DOT1L: variants seen among roughly 807,000 people sequenced by gnomAD.
DOT1L encodes the protein histone-lysine N-methyltransferase, H3 lysine-79 specific.
In DOT1L, 33 loss-of-function variants were observed where a neutral mutation model predicts 153.3. That is an observed-to-expected ratio of 0.22 (90% confidence interval 0.16 to 0.29). The LOEUF (loss-of-function observed/expected upper bound fraction) is 0.29. Among genes scored for constraint, DOT1L ranks in the 10% least tolerant of loss-of-function variants. The probability of loss-of-function intolerance (pLI) is 1.00; values close to 1 mark genes in which losing one functional copy is unlikely to be tolerated. For missense variants in DOT1L, 1,847 were observed against 2,119.9 expected (o/e 0.87, Z 2.53); for synonymous variants, 1,135 against 965.1 (o/e 1.18, Z -3.26).
chr19:2,203,412 C>G (rs1454948498), intron 9 of DOT1L, among the ~76,000 whole-genome samples: 1 of 152,198 alleles, frequency 6.6e-6, no homozygotes, highest in Non-Finnish European at 1.5e-5. Flanking sequence ...CTGGAATCTT[C>G]TTGAGTTGAG....
chr19:2,223,842 A>G (rs2024223634), intron 25 of DOT1L, among the ~76,000 whole-genome samples: 2 of 152,166 alleles, frequency 1.3e-5, no homozygotes, highest in African/African-American at 2.4e-5. Flanking sequence ...GATAAAATTC[A>G]CATATCGTAT....
intron 1 of DOT1L, among the ~76,000 whole-genome samples, chr19:2,173,605 G>A (rs1322940360): frequency 6.6e-6 from 1 of 152,196 alleles, no homozygotes; most frequent in Non-Finnish European, 1.5e-5. Flanking sequence ...GGCCAGCCGG[G>A]TGGTGCCATC....
In DOT1L at chr19:2,226,326, C is replaced by G; in HGVS notation, c.3805C>G (p.Gln1269Glu). 1 of 1,598,106 alleles carries G rather than the reference C, an allele frequency of 6.3e-7. No homozygotes were observed. Among genetic ancestry groups the G allele is most frequent in the Non-Finnish European group, 8.5e-7 (1 of 1,174,048 alleles). Residue 1269 changes from glutamine to glutamate, a missense_variant, in exon 27 of 28, where the codon CAG becomes GAG. Physicochemically the swap from Gln to Glu is conservative, Grantham distance 29 (BLOSUM62 2). Coordinates refer to ENST00000398665, the MANE Select transcript of DOT1L (RefSeq NM_032482.3). Reference sequence around the variant, plus strand: ...GCTGCAGGCCAGCTCCGCCCTCAGCCAGAACTCCCTGTTCACGTTCCGGCC... The same window carrying G: ...GCTGCAGGCCAGCTCCGCCCTCAGCGAGAACTCCCTGTTCACGTTCCGGCC... ...SPLQASSALS[Q>E]NSLFTFRPAL...
intron 5 of DOT1L, among the ~76,000 whole-genome samples, chr19:2,192,712 C>G (rs1349442247): frequency 6.7e-6 from 1 of 150,222 alleles, no homozygotes; most frequent in Non-Finnish European, 1.5e-5. Context: ...TCTGGCTGGG[C>G]TCTTTGGCTC....
At chr19:2,171,169 G>T (rs62128415) in intron 1 of DOT1L, among the ~76,000 whole-genome samples, 1 of 152,198 alleles carries the variant, frequency 6.6e-6, no homozygotes, top group Non-Finnish European at 1.5e-5. Context: ...TGTTGCCCCA[G>T]GCTAGTGGTA....
chr19:2,230,515 G>A lies in DOT1L; in HGVS notation c.*723G>A, dbSNP rs994548445. The A allele has an allele frequency of 7.5e-6, 3 of 398,666 alleles. No homozygotes were observed. The highest frequency in any genetic ancestry group is 1.3e-5 in the Non-Finnish European group (3 of 226,150). 24.7% of individuals were successfully genotyped at this position (398,666 alleles called of 1,614,324 possible). A position where few individuals can be genotyped will look rare whatever the true frequency, so the allele number is the denominator to read the frequency against. ...GGTGCTGTGAGGACGGCGCGGGCACGTTGAACAAGTGCATTTACTTTTGTA... is the reference window on the plus strand; with the variant it reads ...GGTGCTGTGAGGACGGCGCGGGCACATTGAACAAGTGCATTTACTTTTGTA... On this transcript the variant is annotated 3_prime_UTR_variant, in exon 28 of 28. Transcript: ENST00000398665.
rs141162715 is a variant in DOT1L, at chr19:2,218,995, C to T, written c.2691+1077C>T. ...CAAGCAGTTCTCCTGCCTCAGCCTCCCGAGTAGCTGGGATTACAGGCATGC... is the reference window on the plus strand; with the variant it reads ...CAAGCAGTTCTCCTGCCTCAGCCTCTCGAGTAGCTGGGATTACAGGCATGC... On this transcript the variant is annotated intron_variant, in intron 22 of 27. Transcript: ENST00000398665. Among the ~76,000 whole-genome samples, 346 of 152,346 alleles carry T rather than the reference C, an allele frequency of 2.3e-3. 1 individual carries two copies. The highest frequency in any genetic ancestry group is 7.9e-3 in the African/African-American group (328 of 41,582).
Position 2,230,017 on chromosome 19 carries a change from T to C in DOT1L, c.*225T>C. On this transcript the variant is annotated 3_prime_UTR_variant, in exon 28 of 28. Coordinates refer to ENST00000398665, the MANE Select transcript of DOT1L (RefSeq NM_032482.3). ...AGTATTTATCATTTTTTAAAAAGTATAAACAATTCTGACTTATTTTATTCC... is the reference window on the plus strand; with the variant it reads ...AGTATTTATCATTTTTTAAAAAGTACAAACAATTCTGACTTATTTTATTCC... 5.7e-6 allele frequency: 4 copies of C among 699,892 alleles called. No individual in the cohort carries two copies. Among genetic ancestry groups the C allele is most frequent in the East Asian group, 2.8e-5 (1 of 36,082 alleles). The allele number at this position is 699,892 out of a possible 1,614,324, so 43.4% of individuals were successfully genotyped here.
chr19:2,211,478 G>A (rs1163765688), intron 15 of DOT1L, among the ~76,000 whole-genome samples: 1 of 152,220 alleles, frequency 6.6e-6, no homozygotes, highest in Non-Finnish European at 1.5e-5. Flanking sequence ...TTGCTGGCAT[G>A]GGGTGGGTGC....
chr19:2,220,005 C>T lies in DOT1L; in HGVS notation c.2692-103C>T. 9.0e-7 allele frequency: 1 copy of T among 1,109,788 alleles called. No individual in the cohort carries two copies. The highest frequency in any genetic ancestry group is 1.3e-6 in the Non-Finnish European group (1 of 782,104). The allele number at this position is 1,109,788 out of a possible 1,614,324, so 68.7% of individuals were successfully genotyped here. On this transcript the variant is annotated intron_variant, in intron 22 of 27. Transcript: ENST00000398665. The surrounding 1 kb of genome is among the most constrained non-coding windows in gnomAD (Gnocchi z 4.5). ...GGTACTGGACGGTGACCCCGGCGGCCTCCCCCAGCCAGCTGCAGGCCTCAA... is the reference window on the plus strand; with the variant it reads ...GGTACTGGACGGTGACCCCGGCGGCTTCCCCCAGCCAGCTGCAGGCCTCAA...
At chr19:2,180,817 G>C in intron 2 of DOT1L, 61 bp downstream of exon 2, 1 of 1,593,716 alleles carries the variant, frequency 6.3e-7, no homozygotes, top group Non-Finnish European at 8.6e-7. Flanking sequence ...GTGGACACCC[G>C]TGCCCTGCAG....
rs1251785304 is a variant in DOT1L at position 2,191,227 on chromosome 19, G to A, written c.480G>A (p.Val160=). 2 of 1,613,730 alleles carry A rather than the reference G, an allele frequency of 1.2e-6. No homozygotes were observed. Among genetic ancestry groups the A allele is most frequent in the Non-Finnish European group, 1.7e-6 (2 of 1,179,984 alleles). ...EIKMTDDDLF[V]DLGSGVGQVV... ...AGATGACCGACGACGACCTGTTTGT[G>A]GACTTGGGGAGCGGTGAGTGTCGCC... Residue 160 remains valine, a synonymous_variant, in exon 5 of 28, where the codon GTG becomes GTA. Coordinates refer to ENST00000398665, the MANE Select transcript of DOT1L (RefSeq NM_032482.3). This position sits in a 1 kb window ranked among gnomAD's most constrained non-coding sequence, Gnocchi z 6.8.
chr19:2,179,434 A>G (rs1293606848), intron 1 of DOT1L, among the ~76,000 whole-genome samples: 1 of 152,138 alleles, frequency 6.6e-6, no homozygotes. Flanking sequence ...TGCAGCATCC[A>G]GGGGATCGCG....
Position 2,213,656 on chromosome 19 carries a change from GGGCAGGT to G in DOT1L, c.1659+29_1659+35del, listed in dbSNP as rs769703319. The G allele has an allele frequency of 5.6e-6, 9 of 1,613,342 alleles. No individual in the cohort carries two copies. Among genetic ancestry groups the G allele is most frequent in the Non-Finnish European group, 6.8e-6 (8 of 1,179,826 alleles). On this transcript the variant is annotated intron_variant, in intron 17 of 27. Coordinates refer to ENST00000398665, the MANE Select transcript of DOT1L (RefSeq NM_032482.3). ...ATTGGATGAGGTAGTGGACCCCAGA[GGGCAGGT>G]GGCAGGTGGCAGCTGGGGCGCAGGC... is the stretch of plus-strand genomic sequence containing the variant.
rs982638213 is a variant in DOT1L at position 2,227,517 on chromosome 19, G to A, written c.4606+390G>A. On this transcript the variant is annotated intron_variant, in intron 27 of 27. Transcript: ENST00000398665. ...TGCCCAGACAGGGCGGAGAGGAGCC[G>A]CCGGGGGGAGCGGCCTGGCCCTGGG... 2.9e-5 allele frequency: 15 copies of A among 526,128 alleles called. No homozygotes were observed. In the East Asian group the frequency reaches 6.2e-4, roughly 22 times the overall value. 32.6% of individuals were successfully genotyped at this position (526,128 alleles called of 1,614,324 possible).
Position 2,226,939 on chromosome 19 carries a change from A to G in DOT1L, c.4418A>G (p.Gln1473Arg). The G allele has an allele frequency of 6.3e-7, 1 of 1,583,536 alleles. No homozygotes were observed. Among genetic ancestry groups the G allele is most frequent in the East Asian group, 2.3e-5 (1 of 43,334 alleles). The stretch of plus-strand genomic sequence containing the variant: ...CTGGGCCCCTTCCCGCCGGGACCGC[A>G]GTTCGCGCTCGGCCCCATGTCCCTG... ...SFLGPFPPGP[Q>R]FALGPMSLQA... The change falls in exon 27 of 28, where the codon CAG (glutamine) becomes CGG (arginine). Residue 1473 changes from glutamine to arginine, a missense_variant. Transcript: ENST00000398665.
At chr19:2,223,635 G>C in intron 25 of DOT1L, 149 bp downstream of exon 25, 1 of 1,004,988 alleles carries the variant, frequency 1.0e-6, no homozygotes, top group Non-Finnish European at 1.4e-6. Flanking sequence ...TTTTGTGAGG[G>C]GCCTCCCCAC....
chr19:2,217,070 G>A lies in DOT1L; in HGVS notation c.2524G>A (p.Gly842Arg). The A allele has an allele frequency of 1.2e-6, 2 of 1,607,980 alleles. No individual in the cohort carries two copies. The highest frequency in any genetic ancestry group is 1.3e-5 in the African/African-American group (1 of 74,934). ...PLSPGALQLA[G>R]EKSSEKGLRE... The stretch of plus-strand genomic sequence containing the variant: ...GTCCCCTGGGGCCTTGCAGCTTGCT[G>A]GAGAGAAGAGCAGTGAGAAGGTGCG... The change falls in exon 21 of 28, where the codon GGA becomes AGA. Residue 842 changes from glycine (G) to arginine (R), a missense_variant. Gly to Arg is a moderately radical substitution (Grantham distance 125). This residue lies in a region of DOT1L where 281 missense variants were observed against 263.6 expected (regional missense o/e 1.07). Coordinates refer to ENST00000398665, the MANE Select transcript of DOT1L (RefSeq NM_032482.3). This position sits in a 1 kb window ranked among gnomAD's most constrained non-coding sequence, Gnocchi z 7.3.
chr19:2,164,364 C>T, intron 1 of DOT1L, 99 bp downstream of exon 1: 2 of 803,554 alleles, frequency 2.5e-6, no homozygotes, highest in Non-Finnish European at 3.3e-6. Flanking sequence ...ACCGGTCCCC[C>T]CTGCGGAACG....
Sources: gnomAD v4.1 joint callset for allele counts (sites outside exome capture counted in the v4.1 genomes callset) on GRCh38, gnomAD v4.1.1 for gene constraint, gnomAD v4.1.1 regional missense constraint, Gnocchi (gnomAD v3.1) non-coding constraint, MANE v1.5 for transcripts, NCBI Gene and HGNC (gene_info 2026-07-23, HGNC 2026-07-21) for gene names.